The following FBXL17 variants were observed in gnomAD, a reference collection of about 807,000 sequenced individuals.
FBXL17 encodes F-box and leucine rich repeat protein 17, also known as F-box/LRR-repeat protein 17.
In FBXL17, 22 loss-of-function variants were observed where a neutral mutation model predicts 66.2. The ratio of observed to expected loss-of-function variants is 0.33; its 90% CI spans 0.24 to 0.47. FBXL17 has a LOEUF of 0.47. FBXL17 is among the 20% of genes least tolerant of loss of function. The probability of loss-of-function intolerance (pLI) is 1.00; values close to 1 mark genes in which losing one functional copy is unlikely to be tolerated. For missense variants in FBXL17, 878 were observed against 948.2 expected (o/e 0.93, Z 0.97); for synonymous variants, 474 against 400.5 (o/e 1.18, Z -2.19).
chr5:108,078,418 T>C (rs1039339395), intron 6 of FBXL17, among the ~76,000 whole-genome samples: 5 of 152,170 alleles, frequency 3.3e-5, no homozygotes, highest in African/African-American at 1.2e-4. Context: ...CAAAATATTT[T>C]ACTCCAAAAT....
chr5:108,094,226 T>C (rs1749289616), intron 6 of FBXL17, among the ~76,000 whole-genome samples: 2 of 152,192 alleles, frequency 1.3e-5, no homozygotes, highest in East Asian at 3.9e-4. Flanking sequence ...GACCATTTAG[T>C]TAATCAAAAA....
intron 4 of FBXL17, among the ~76,000 whole-genome samples, chr5:108,326,301 CAGA>C (rs1297543449): frequency 6.6e-6 from 1 of 151,814 alleles, no homozygotes; most frequent in Non-Finnish European, 1.5e-5. Context: ...AAAAAATAGG[CAGA>C]AGATTTGGCT....
chr5:107,891,719 T>C (rs1476152369), intron 7 of FBXL17, among the ~76,000 whole-genome samples: 2 of 152,226 alleles, frequency 1.3e-5, no homozygotes, highest in African/African-American at 4.8e-5. Flanking sequence ...AGTTGCTCTT[T>C]GTGTCCTTGT....
intron 7 of FBXL17, among the ~76,000 whole-genome samples, chr5:107,958,070 C>G (rs1751733595): frequency 6.6e-6 from 1 of 150,556 alleles, no homozygotes; most frequent in Admixed American, 6.7e-5. Flanking sequence ...CCATGTAATA[C>G]AGGTGAACAG....
At chr5:108,225,325 G>A (rs1172486266) in intron 4 of FBXL17, among the ~76,000 whole-genome samples, 2 of 152,142 alleles carry the variant, frequency 1.3e-5, no homozygotes, top group Non-Finnish European at 2.9e-5. Flanking sequence ...GTCTCCTTAA[G>A]ATTCATATTT....
rs183694816 is a variant in FBXL17 at position 108,006,235 on chromosome 5, T to C, written c.1822+14690A>G. 4.7e-3 allele frequency among the ~76,000 whole-genome samples: 716 copies of C among 152,354 alleles called. 6 individuals carry two copies. The highest frequency in any genetic ancestry group is 0.014 in the African/African-American group (594 of 41,584). The stretch of plus-strand genomic sequence containing the variant: ...TTAATTTAAATAACATTTTAATTCA[T>C]TCAAAAAATTGTAGAATGTTCATTG... On this transcript the variant is annotated intron_variant, in intron 7 of 8. Coordinates refer to ENST00000542267, the MANE Select transcript of FBXL17 (RefSeq NM_001163315.3).
At chr5:108,084,228 G>A (rs1053427541) in intron 6 of FBXL17, among the ~76,000 whole-genome samples, 3 of 152,124 alleles carry the variant, frequency 2.0e-5, no homozygotes, top group African/African-American at 7.2e-5. Flanking sequence ...CCATCTCTCC[G>A]ACCCTTCATT....
At chr5:108,209,717 T>C (rs1458331365) in intron 5 of FBXL17, among the ~76,000 whole-genome samples, 1 of 152,170 alleles carries the variant, frequency 6.6e-6, no homozygotes, top group Non-Finnish European at 1.5e-5. Flanking sequence ...TTTGCCAGTA[T>C]TTTATTGAGG....
At chr5:107,926,811 C>T (rs1750538183) in intron 7 of FBXL17, among the ~76,000 whole-genome samples, 1 of 152,040 alleles carries the variant, frequency 6.6e-6, no homozygotes, top group Non-Finnish European at 1.5e-5. Context: ...GTTACTAATG[C>T]ACATTTTGGA....
intron 7 of FBXL17, among the ~76,000 whole-genome samples, chr5:107,971,485 A>G (rs899330714): frequency 6.6e-6 from 1 of 152,110 alleles, no homozygotes; most frequent in Non-Finnish European, 1.5e-5. Context: ...AAACTATGCT[A>G]TTTTTTATGA....
intron 5 of FBXL17, among the ~76,000 whole-genome samples, chr5:108,208,247 C>T (rs191578773): frequency 6.6e-5 from 10 of 152,270 alleles, no homozygotes; most frequent in Non-Finnish European, 1.3e-4. Context: ...CAAAAATCTT[C>T]TCCCATTCTG....
At chr5:108,132,219 G>T (rs144432271) in intron 6 of FBXL17, among the ~76,000 whole-genome samples, 2 of 152,032 alleles carry the variant, frequency 1.3e-5, no homozygotes, top group African/African-American at 2.4e-5. Flanking sequence ...CAGGTAATCC[G>T]CCCGCATCAG....
chr5:107,921,341 G>A (rs1266079575), intron 7 of FBXL17, among the ~76,000 whole-genome samples: 3 of 152,176 alleles, frequency 2.0e-5, no homozygotes, highest in African/African-American at 7.2e-5. Context: ...TATGATGCAA[G>A]GGCAGTGGCT....
intron 4 of FBXL17, among the ~76,000 whole-genome samples, chr5:108,260,676 C>T (rs1291749129): frequency 6.6e-6 from 1 of 152,134 alleles, no homozygotes; most frequent in African/African-American, 2.4e-5. Flanking sequence ...ATTGCTGCCA[C>T]TGTCTTGGAG....
At chr5:107,939,402 T>G (rs1234171951) in intron 7 of FBXL17, among the ~76,000 whole-genome samples, 2 of 152,128 alleles carry the variant, frequency 1.3e-5, no homozygotes, top group African/African-American at 4.8e-5. Flanking sequence ...CTCTCTGTCC[T>G]CTTTCTCAAT....
chr5:107,978,889 A>AG (rs1338498906), intron 7 of FBXL17, among the ~76,000 whole-genome samples: 20 of 152,180 alleles, frequency 1.3e-4, no homozygotes, highest in Non-Finnish European at 2.5e-4. Flanking sequence ...TTGTTTGTGC[A>AG]GGGGGCAGGA....
chr5:107,928,554 T>C (rs188248072), intron 7 of FBXL17, among the ~76,000 whole-genome samples: 1 of 152,222 alleles, frequency 6.6e-6, no homozygotes, highest in East Asian at 1.9e-4. Flanking sequence ...CTGGTAATAT[T>C]ACTTCTAAGT....
chr5:108,234,659 T>C (rs1269178915), intron 4 of FBXL17, among the ~76,000 whole-genome samples: 1 of 152,190 alleles, frequency 6.6e-6, no homozygotes, highest in African/African-American at 2.4e-5. Context: ...TTGATTACTG[T>C]TTTCATCTCC....
intron 6 of FBXL17, among the ~76,000 whole-genome samples, chr5:108,110,667 T>G (rs1466097962): frequency 1.3e-5 from 2 of 152,114 alleles, no homozygotes; most frequent in Non-Finnish European, 2.9e-5. Context: ...TTTTCTTGTT[T>G]AAAAATTTGT....
Sources: allele counts gnomAD v4.1 joint callset (sites outside exome capture counted in the v4.1 genomes callset), GRCh38; gene constraint gnomAD v4.1.1; transcripts MANE v1.5; gene names NCBI Gene and HGNC (gene_info 2026-07-23, HGNC 2026-07-21).